The following JPH1 variants were observed in gnomAD, a reference collection of about 807,000 sequenced individuals.
JPH1 encodes the protein junctophilin 1.
A neutral mutation model predicts 53.6 loss-of-function variants in JPH1; 12 were observed. The observed-to-expected ratio is 0.22, with a 90% CI of 0.14 to 0.36. JPH1 has a LOEUF of 0.36. JPH1 is among the 10% of genes least tolerant of loss of function. The probability of loss-of-function intolerance (pLI) is 1.00; values close to 1 mark genes in which losing one functional copy is unlikely to be tolerated. For missense variants in JPH1, 808 were observed against 905.5 expected (o/e 0.89, Z 1.38); for synonymous variants, 375 against 363.8 (o/e 1.03, Z -0.35).
chr8:74,311,784 C>T (rs1447803122), intron 2 of JPH1, among the ~76,000 whole-genome samples: 3 of 150,392 alleles, frequency 2.0e-5, no homozygotes, highest in Non-Finnish European at 4.4e-5. Flanking sequence ...GGTTTTTTGT[C>T]CTTGGGAAAG....
At chr8:74,294,646 T>C (rs1378342244) in intron 2 of JPH1, among the ~76,000 whole-genome samples, 2 of 152,210 alleles carry the variant, frequency 1.3e-5, no homozygotes, top group Non-Finnish European at 2.9e-5. Context: ...TATTCATCTG[T>C]CTCTTGGTTA....
At position 74,249,684 on chromosome 8, in the gene JPH1, G is replaced by A. The variant is rs569094808; in HGVS notation, c.1259-4509C>T. ...AAAATTTATTCATAATTTTGGGTTTGGAAGGTGAGCTTAGAAGTCATCTAT... is the reference window on the plus strand; with the variant it reads ...AAAATTTATTCATAATTTTGGGTTTAGAAGGTGAGCTTAGAAGTCATCTAT... On this transcript the variant is annotated intron_variant, in intron 3 of 5. Transcript: ENST00000342232. 2.0e-5 allele frequency among the ~76,000 whole-genome samples: 3 copies of A among 152,284 alleles called. No individual in the cohort carries two copies. The East Asian group carries it at 5.8e-4, about 29-fold the overall frequency.
At chr8:74,240,668 T>A (rs1347431779) in intron 4 of JPH1, among the ~76,000 whole-genome samples, 1 of 152,214 alleles carries the variant, frequency 6.6e-6, no homozygotes, top group Non-Finnish European at 1.5e-5. Context: ...GCTACTGGGT[T>A]TATTTTATAA....
chr8:74,235,561 CCT>C lies in JPH1; in HGVS notation c.*1488_*1489del, dbSNP rs1806974429. The C allele has an allele frequency of 2.0e-5, 3 of 152,360 alleles. No homozygotes were observed. The South Asian group carries it at 6.2e-4, about 32-fold the overall frequency. The allele number at this position is 152,360 out of a possible 1,614,324, so 9.4% of individuals were successfully genotyped here. A position where few individuals can be genotyped will look rare whatever the true frequency, so the allele number is the denominator to read the frequency against. The stretch of plus-strand genomic sequence containing the variant: ...ATGAAAATATTTAGGAGTAGCTCCC[CCT>C]CTGCAATGTAATGTTTTATAAAGAT... On this transcript the variant is annotated 3_prime_UTR_variant, in exon 6 of 6. Transcript: ENST00000342232.
At chr8:74,276,753 A>G (rs1412363039) in intron 2 of JPH1, among the ~76,000 whole-genome samples, 2 of 152,234 alleles carry the variant, frequency 1.3e-5, no homozygotes, top group African/African-American at 2.4e-5. Flanking sequence ...GATTTTTCCT[A>G]TGGTGGTCTT....
Position 74,310,241 on chromosome 8 carries a change from A to G in JPH1, c.1139+4620T>C, listed in dbSNP as rs568340943. Among the ~76,000 whole-genome samples the G allele has an allele frequency of 4.6e-5, 7 of 150,624 alleles. 1 individual carries two copies. In the South Asian group the frequency reaches 6.3e-4, roughly 14 times the overall value. On this transcript the variant is annotated intron_variant, in intron 2 of 5. Coordinates refer to ENST00000342232, the MANE Select transcript of JPH1 (RefSeq NM_020647.4). ...GTCTCAGTAGCTTCTAGGTACACTC[A>G]TTTCTTGAGATATTTAGAGTTGCTC...
intron 3 of JPH1, among the ~76,000 whole-genome samples, chr8:74,258,700 C>T (rs1209104654): frequency 1.3e-5 from 2 of 152,090 alleles, no homozygotes; most frequent in African/African-American, 4.8e-5. Context: ...ACTAAAAGTG[C>T]CTCTGAATTT....
In JPH1 at chr8:74,315,662, G is replaced by A; in HGVS notation, c.380-42C>T. On this transcript the variant is annotated intron_variant, in intron 1 of 5. Transcript: ENST00000342232. This position sits in a 1 kb window ranked among gnomAD's most constrained non-coding sequence, Gnocchi z 6.3. ...GAAAGCACCGTGAGTCGGGGGCAGAGCTGCACCGTCACCTGCACCATCCAG... is the reference window on the plus strand; with the variant it reads ...GAAAGCACCGTGAGTCGGGGGCAGAACTGCACCGTCACCTGCACCATCCAG... 1.3e-6 allele frequency: 2 copies of A among 1,542,322 alleles called. No homozygotes were observed. Among genetic ancestry groups the A allele is most frequent in the African/African-American group, 1.4e-5 (1 of 73,416 alleles).
chr8:74,321,199 G>A lies in JPH1; in HGVS notation c.89C>T (p.Thr30Met), dbSNP rs772241506. The A allele has an allele frequency of 6.2e-7, 1 of 1,612,770 alleles. No homozygotes were observed. Residue 30 changes from threonine (T) to methionine (M), a missense_variant, in exon 1 of 6, where the codon ACG (threonine) becomes ATG (methionine). Physicochemically the swap from Thr to Met is moderately conservative, Grantham distance 81. Coordinates refer to ENST00000342232, the MANE Select transcript of JPH1 (RefSeq NM_020647.4). This position sits in a 1 kb window ranked among gnomAD's most constrained non-coding sequence, Gnocchi z 4.3. ...EGKAHGHGIC[T>M]GPKGQGEYSG... ...GTACTCGCCCTGGCCCTTGGGCCCC[G>A]TGCAGATGCCATGCCCGTGCGCCTT...
chr8:74,265,243 T>C (rs1217941634), intron 2 of JPH1, among the ~76,000 whole-genome samples: 1 of 152,228 alleles, frequency 6.6e-6, no homozygotes, highest in East Asian at 1.9e-4. Context: ...AATTTGGGAA[T>C]AGCGGTGTCT....
At chr8:74,255,108 C>G (rs1586738348) in intron 3 of JPH1, among the ~76,000 whole-genome samples, 4 of 152,236 alleles carry the variant, frequency 2.6e-5, no homozygotes. Context: ...GCCAAAAGAA[C>G]AAAGCTGGAG....
At chr8:74,309,301 C>T (rs1442340455) in intron 2 of JPH1, among the ~76,000 whole-genome samples, 2 of 152,222 alleles carry the variant, frequency 1.3e-5, no homozygotes, top group Non-Finnish European at 2.9e-5. Flanking sequence ...TACCTACTAA[C>T]TTGCTAACCT....
In JPH1 at chr8:74,275,898, A is replaced by G. The variant is rs1024475080; in HGVS notation, c.1140-16395T>C. Among the ~76,000 whole-genome samples the G allele has an allele frequency of 7.9e-5, 12 of 152,232 alleles. 1 individual carries two copies. In the South Asian group the frequency reaches 1.2e-3, roughly 16 times the overall value. The stretch of plus-strand genomic sequence containing the variant: ...CAGAATCAAATCAGGAAAGAGACCA[A>G]TTCTGGCCTTAAAAAACAATCTAAG... On this transcript the variant is annotated intron_variant, in intron 2 of 5. Transcript: ENST00000342232.
At chr8:74,259,976 T>C (rs1806344908) in intron 2 of JPH1, among the ~76,000 whole-genome samples, 3 of 152,214 alleles carry the variant, frequency 2.0e-5, no homozygotes. Context: ...AAAAAATTAG[T>C]GAAATGGGGA....
intron 1 of JPH1, among the ~76,000 whole-genome samples, chr8:74,317,152 T>A (rs150249014): frequency 1.1e-4 from 16 of 152,352 alleles, no homozygotes; most frequent in African/African-American, 3.8e-4. Flanking sequence ...GTGTTAACAA[T>A]GGCTGGTTAT....
intron 2 of JPH1, among the ~76,000 whole-genome samples, chr8:74,302,131 T>C (rs1807700998): frequency 6.6e-6 from 1 of 152,216 alleles, no homozygotes; most frequent in Admixed American, 6.5e-5. Flanking sequence ...GTTGGGTCTT[T>C]TTGTGTGTAG....
intron 2 of JPH1, among the ~76,000 whole-genome samples, chr8:74,278,425 A>G (rs1806912480): frequency 6.6e-6 from 1 of 152,180 alleles, no homozygotes; most frequent in Non-Finnish European, 1.5e-5. Context: ...GGCCCCACTC[A>G]CCATCACCCT....
At chr8:74,294,057 G>T (rs1348970506) in intron 2 of JPH1, among the ~76,000 whole-genome samples, 5 of 152,122 alleles carry the variant, frequency 3.3e-5, no homozygotes, top group East Asian at 1.9e-4. Context: ...GCGTCACTCT[G>T]GTCTGTCCTT....
At chr8:74,299,954 A>G (rs1293826349) in intron 2 of JPH1, among the ~76,000 whole-genome samples, 2 of 152,242 alleles carry the variant, frequency 1.3e-5, no homozygotes, top group African/African-American at 2.4e-5. Flanking sequence ...TTAAAGAAAA[A>G]AAGAAAAGAA....
Sources: allele counts gnomAD v4.1 joint callset (sites outside exome capture counted in the v4.1 genomes callset), GRCh38; gene constraint gnomAD v4.1.1; non-coding constraint Gnocchi (gnomAD v3.1); transcripts MANE v1.5; gene names NCBI Gene and HGNC (gene_info 2026-07-23, HGNC 2026-07-21).